NFKBIZ: variants seen among roughly 807,000 people sequenced by gnomAD.
NFKBIZ encodes NF-kappa-B inhibitor zeta.
Under a neutral mutation model 76.8 loss-of-function variants are expected in NFKBIZ, and 19 were observed. That is an observed-to-expected ratio of 0.25 (90% CI 0.17 to 0.36). The LOEUF is 0.36. NFKBIZ is among the 10% of genes least tolerant of loss of function. NFKBIZ has a pLI of 1.00. For missense variants in NFKBIZ, 829 were observed against 910.9 expected (o/e 0.91, Z 1.16); for synonymous variants, 368 against 354.8 (o/e 1.04, Z -0.42).
chr3:101,834,657 G>A lies in NFKBIZ; in HGVS notation c.-12+4969G>A, dbSNP rs188151865. ...ATCACAGGCGTGAGCCACCACACCC[G>A]GCCCCTCCCCTGTCTTTCTGTGTTC... On this transcript the variant is annotated intron_variant, in intron 2 of 12. Coordinates refer to the NFKBIZ transcript ENST00000394054. Among the ~76,000 whole-genome samples, 110 of 152,274 alleles carry A rather than the reference G, an allele frequency of 7.2e-4. 2 individuals carry two copies. The highest frequency in any genetic ancestry group is 5.0e-3 in the East Asian group (26 of 5,178).
chr3:101,854,060 G>T (rs1169138363), intron 5 of NFKBIZ, among the ~76,000 whole-genome samples, 197 bp downstream of exon 5: 1 of 152,108 alleles, frequency 6.6e-6, no homozygotes, highest in East Asian at 1.9e-4. Context: ...AAATTTTTTG[G>T]CTGAACAGAT....
At position 101,849,599 on chromosome 3, in the gene NFKBIZ, T is replaced by A; in HGVS notation, c.-30T>A. 7.6e-7 allele frequency: 1 copy of A among 1,313,726 alleles called. No individual in the cohort carries two copies. Among genetic ancestry groups the A allele is most frequent in the Non-Finnish European group, 9.7e-7 (1 of 1,034,418 alleles). The allele number at this position is 1,313,726 out of a possible 1,614,324, so 81.4% of individuals were successfully genotyped here. ...GCGCAGCGAGCCGGTGGCGCAGGTGTCGGGGTCCTCGAGCGCCCAGCCTGG... is the reference window on the plus strand; with the variant it reads ...GCGCAGCGAGCCGGTGGCGCAGGTGACGGGGTCCTCGAGCGCCCAGCCTGG... On this transcript the variant is annotated 5_prime_UTR_variant, in exon 1 of 12. Transcript: ENST00000326172.
At chr3:101,847,230 C>T (rs112484015), upstream of NFKBIZ, among the ~76,000 whole-genome samples, 1,141 of 152,376 alleles carry the variant, frequency 7.5e-3, 15 homozygotes, top group African/African-American at 0.026. Flanking sequence ...GTCGAATTGA[C>T]ACATCAAATT....
At chr3:101,828,685 A>T (rs1025550705) in intron 1 of NFKBIZ, among the ~76,000 whole-genome samples, 2 of 152,204 alleles carry the variant, frequency 1.3e-5, no homozygotes, top group African/African-American at 4.8e-5. Flanking sequence ...ATTAAAATGT[A>T]TGAATGGCCA....
intron 9 of NFKBIZ, among the ~76,000 whole-genome samples, chr3:101,856,484 A>G (rs1160903385): frequency 6.6e-6 from 1 of 151,970 alleles, no homozygotes; most frequent in Admixed American, 6.6e-5. Context: ...TGAAATTGAT[A>G]TTGTCATTTT....
At chr3:101,845,581 C>A (rs572117712), upstream of NFKBIZ, among the ~76,000 whole-genome samples, 1 of 152,070 alleles carries the variant, frequency 6.6e-6, no homozygotes, top group Non-Finnish European at 1.5e-5. Context: ...GGATTACAGG[C>A]GTGAGCCACT....
rs1189726582 is a variant in NFKBIZ, at chr3:101,860,531, T to A, written c.*1160T>A. 1 of 152,146 alleles carries A rather than the reference T, an allele frequency of 6.6e-6. No individual in the cohort carries two copies. The highest frequency in any genetic ancestry group is 1.5e-5 in the Non-Finnish European group (1 of 68,012). 9.4% of individuals were successfully genotyped at this position (152,146 alleles called of 1,614,324 possible). A position where few individuals can be genotyped will look rare whatever the true frequency, so the allele number is the denominator to read the frequency against. ...ATGGCTTACCCTCTAGAATTTCTAA[T>A]TTATGTGTTCTGTTGAAATTTTTGT... On this transcript the variant is annotated 3_prime_UTR_variant, in exon 12 of 12. Transcript: ENST00000326172.
chr3:101,856,037 T>G, intron 9 of NFKBIZ, 135 bp downstream of exon 9: 1 of 769,680 alleles, frequency 1.3e-6, no homozygotes, highest in South Asian at 2.6e-5. Context: ...AATGTATGGG[T>G]GGTTAAGAAG....
chr3:101,832,330 A>G (rs1942657803), intron 2 of NFKBIZ, among the ~76,000 whole-genome samples: 1 of 152,176 alleles, frequency 6.6e-6, no homozygotes, highest in Non-Finnish European at 1.5e-5. Context: ...AAAAGTTGCC[A>G]TCTTATCCAT....
intron 2 of NFKBIZ, among the ~76,000 whole-genome samples, chr3:101,835,202 A>T (rs756702870): frequency 2.0e-5 from 3 of 152,156 alleles, no homozygotes; most frequent in Non-Finnish European, 2.9e-5. Flanking sequence ...TTAAAGCTGG[A>T]TGGTTATTAA....
intron 5 of NFKBIZ, 80 bp downstream of exon 5, chr3:101,853,943 A>G: frequency 4.4e-6 from 6 of 1,360,460 alleles, no homozygotes; most frequent in Admixed American, 3.9e-5. Context: ...TTTCTAGGGT[A>G]TAACAAGGTA....
At position 101,849,776 on chromosome 3, in the gene NFKBIZ, G is replaced by T. The variant is rs1942919031; in HGVS notation, c.148G>T (p.Ala50Ser). The T allele has an allele frequency of 3.4e-6, 5 of 1,455,210 alleles. No individual in the cohort carries two copies. Among genetic ancestry groups the T allele is most frequent in the Admixed American group, 2.6e-5 (1 of 38,734 alleles). 90.1% of individuals were successfully genotyped at this position (1,455,210 alleles called of 1,614,324 possible). ...CGCCGCCGCCCCGGGCGCCTGCGAC[G>T]CCAGCTGCTCGGTCTTGGGCCCCTC... ...PPAAAPGACDASCSVLGPSAP... is the reference protein window; with the variant it reads ...PPAAAPGACDSSCSVLGPSAP... The change falls in exon 1 of 12, where the codon GCC becomes TCC. Residue 50 changes from alanine to serine, a missense_variant. By Grantham distance (99) the Ala-to-Ser change is moderately conservative. Coordinates refer to ENST00000326172, the MANE Select transcript of NFKBIZ (RefSeq NM_031419.4).
chr3:101,855,641 A>G, intron 8 of NFKBIZ, 92 bp from the exon 9 acceptor site: 3 of 1,395,810 alleles, frequency 2.1e-6, no homozygotes, highest in South Asian at 1.4e-5. Flanking sequence ...TTATAGGTTA[A>G]GTTAGAGGCC....
At chr3:101,851,253 G>A (rs1462203308) in intron 1 of NFKBIZ, among the ~76,000 whole-genome samples, 1 of 152,226 alleles carries the variant, frequency 6.6e-6, no homozygotes, top group Non-Finnish European at 1.5e-5. Context: ...CATACTAAGA[G>A]GTTGTGACAT....
intron 2 of NFKBIZ, among the ~76,000 whole-genome samples, chr3:101,832,361 G>A (rs1942658171): frequency 6.6e-6 from 1 of 152,120 alleles, no homozygotes; most frequent in Admixed American, 6.5e-5. Context: ...ACAGTTCAGT[G>A]CCACTAAGTA....
intron 8 of NFKBIZ, 136 bp downstream of exon 8, chr3:101,855,594 A>G (rs529500106): frequency 8.1e-7 from 1 of 1,233,910 alleles, no homozygotes. Flanking sequence ...AAAAGAGACA[A>G]TATTCAGATT....
intron 9 of NFKBIZ, 157 bp downstream of exon 9, chr3:101,856,059 T>C (rs1456919235): frequency 2.5e-5 from 15 of 610,372 alleles, no homozygotes; most frequent in Non-Finnish European, 3.9e-5. Flanking sequence ...CCAGAATTTT[T>C]TTTTTTTTTG....
chr3:101,836,242 AC>A (rs1942718995), intron 2 of NFKBIZ, among the ~76,000 whole-genome samples: 1 of 152,206 alleles, frequency 6.6e-6, no homozygotes, highest in Non-Finnish European at 1.5e-5. Context: ...TCAGAACTGA[AC>A]CTGTGGAAGT....
chr3:101,828,969 T>C (rs1247909240), intron 1 of NFKBIZ, among the ~76,000 whole-genome samples: 2 of 152,130 alleles, frequency 1.3e-5, no homozygotes, highest in Non-Finnish European at 2.9e-5. Flanking sequence ...GGGTGGAATA[T>C]TTTTTTGCTT....
Sources: gnomAD v4.1 joint callset for allele counts (sites outside exome capture counted in the v4.1 genomes callset) on GRCh38, gnomAD v4.1.1 for gene constraint, MANE v1.5 for transcripts, NCBI Gene and HGNC (gene_info 2026-07-23, HGNC 2026-07-21) for gene names.